Variants in ARHGAP6 observed in about 807,000 individuals in gnomAD.
ARHGAP6 encodes the protein rho GTPase-activating protein 6.
Under a neutral mutation model 55.7 loss-of-function variants are expected in ARHGAP6, and 16 were observed. The ratio of observed to expected loss-of-function variants is 0.29; its 90% CI spans 0.19 to 0.44. The LOEUF is 0.44. Among genes scored for constraint, ARHGAP6 ranks in the 20% least tolerant of loss-of-function variants. The pLI is 1.00. For missense variants in ARHGAP6, 698 were observed against 808.9 expected, an observed-to-expected ratio of 0.86 and a Z score of 1.66; for synonymous variants, 382 against 360.9, an observed-to-expected ratio of 1.06 and a Z score of -0.66.
At chrX:11,245,148 C>T (rs984406994) in intron 2 of ARHGAP6, among the ~76,000 whole-genome samples, 2 of 112,117 alleles carry the variant, frequency 1.8e-5, no homozygotes, top group Non-Finnish European at 3.8e-5. Flanking sequence ...CCAAAGTCAA[C>T]TTGGACAGAT....
chrX:11,649,055 C>G (rs1001962141), intron 1 of ARHGAP6, among the ~76,000 whole-genome samples: 2 of 112,172 alleles, frequency 1.8e-5, no homozygotes, highest in Non-Finnish European at 3.8e-5. Context: ...TAAAGAAGAC[C>G]ACAAATTCTT....
intron 1 of ARHGAP6, 146 bp downstream of exon 1, chrX:11,664,095 T>C: frequency 1.7e-6 from 1 of 572,221 alleles, no homozygotes; most frequent in Middle Eastern, 5.1e-4. Context: ...CAGGCACCAT[T>C]TAGCAAGTAG....
At chrX:11,536,361 G>A (rs2051104159) in intron 1 of ARHGAP6, among the ~76,000 whole-genome samples, 1 of 112,159 alleles carries the variant, frequency 8.9e-6, no homozygotes, top group South Asian at 3.7e-4. Flanking sequence ...CTTGTCCGTT[G>A]GGTGGGATAA....
chrX:11,179,657 A>G (rs1262692785), intron 6 of ARHGAP6, among the ~76,000 whole-genome samples: 1 of 106,840 alleles, frequency 9.4e-6, no homozygotes, highest in Non-Finnish European at 1.9e-5. Context: ...GTATACATAT[A>G]TATGTATATA....
chrX:11,572,950 C>T (rs1366543780), intron 1 of ARHGAP6, among the ~76,000 whole-genome samples: 1 of 112,331 alleles, frequency 8.9e-6, no homozygotes, highest in African/African-American at 3.2e-5. Context: ...TGATGATACG[C>T]ATTTTTTCAT....
chrX:11,481,202 T>C (rs2050453223), intron 1 of ARHGAP6, among the ~76,000 whole-genome samples: 1 of 111,472 alleles, frequency 9.0e-6, no homozygotes, highest in Admixed American at 9.5e-5. Flanking sequence ...TAGGGGCTAC[T>C]GTGGAATGCT....
intron 1 of ARHGAP6, among the ~76,000 whole-genome samples, chrX:11,364,884 G>T (rs778934365): frequency 3.6e-5 from 4 of 110,641 alleles, no homozygotes; most frequent in Non-Finnish European, 5.7e-5. Flanking sequence ...GTCCGGCACT[G>T]CTGCTAGGAG....
rs543163653 is a variant in ARHGAP6 at position 11,277,710 on chromosome X, TAA to T, written c.589-23005_589-23004del. On this transcript the variant is annotated intron_variant, in intron 1 of 12. Transcript: ENST00000337414. The stretch of plus-strand genomic sequence containing the variant: ...AGGTTTCTAGTATTCTTTTTTTTTT[TAA>T]AAAAAAATTAGCCCTGTAATGGCTA... Among the ~76,000 whole-genome samples the T allele has an allele frequency of 4.3e-3, 460 of 107,841 alleles. 1 individual carries two copies. The highest frequency in any genetic ancestry group is 9.4e-3 in the African/African-American group (280 of 29,842). 93.6% of individuals were successfully genotyped at this position (107,841 alleles called of 115,157 possible).
At chrX:11,493,251 T>C (rs1156324785) in intron 1 of ARHGAP6, among the ~76,000 whole-genome samples, 2 of 112,154 alleles carry the variant, frequency 1.8e-5, no homozygotes, top group African/African-American at 6.5e-5. Flanking sequence ...AACAAACTGT[T>C]ACAAGTGGTT....
At chrX:11,388,316 A>AT (rs2147733882) in intron 1 of ARHGAP6, among the ~76,000 whole-genome samples, 1 of 111,659 alleles carries the variant, frequency 9.0e-6, no homozygotes, top group Admixed American at 9.5e-5. Context: ...GATGATGAGC[A>AT]TTTTTTCATG....
chrX:11,588,036 A>G (rs1374137648), intron 1 of ARHGAP6, among the ~76,000 whole-genome samples: 1 of 112,097 alleles, frequency 8.9e-6, no homozygotes, highest in Non-Finnish European at 1.9e-5. Context: ...TGTTAAAAAG[A>G]GAAATATGCT....
intron 1 of ARHGAP6, among the ~76,000 whole-genome samples, chrX:11,489,100 A>G (rs1410857276): frequency 8.9e-6 from 1 of 112,345 alleles, no homozygotes; most frequent in Non-Finnish European, 1.9e-5. Flanking sequence ...AACTGGGTAA[A>G]GTATTTGAGC....
intron 1 of ARHGAP6, among the ~76,000 whole-genome samples, chrX:11,297,333 G>A (rs1213134848): frequency 8.9e-6 from 1 of 111,798 alleles, no homozygotes; most frequent in Non-Finnish European, 1.9e-5. Context: ...CGGGTTTGAG[G>A]TTCTCCTCAA....
Position 11,188,898 on chromosome X carries a change from C to G in ARHGAP6, c.907G>C (p.Asp303His), listed in dbSNP as rs1362203481. 9 of 1,209,508 alleles carry G rather than the reference C, an allele frequency of 7.4e-6. No homozygotes were observed. In the Middle Eastern group the frequency reaches 1.6e-3, roughly 216 times the overall value. ...AYKLKQDLQR[D>H]EQKDASDFVA... ...AAGTCAGATGCATCTTTCTGCTCGT[C>G]CCTCTGCAAGTCCTGCTTGAGTTTA... The change falls in exon 4 of 13, where the codon GAC becomes CAC. Residue 303 changes from aspartate (D) to histidine (H), a missense_variant. Physicochemically the swap from Asp to His is moderately conservative, Grantham distance 81. Coordinates refer to ENST00000337414, the MANE Select transcript of ARHGAP6 (RefSeq NM_013427.3).
chrX:11,574,904 A>G lies in ARHGAP6; in HGVS notation c.588+89337T>C, dbSNP rs147276140. Among the ~76,000 whole-genome samples, 625 of 111,932 alleles carry G rather than the reference A, an allele frequency of 5.6e-3. 2 individuals carry two copies. Among genetic ancestry groups the G allele is most frequent in the African/African-American group, 0.019 (596 of 30,784 alleles). ...CTCAGGGTAATGAGGTTTCTTTGAA[A>G]AAATCAATCCCTCTCATCTGTACCA... On this transcript the variant is annotated intron_variant, in intron 1 of 12. Coordinates refer to ENST00000337414, the MANE Select transcript of ARHGAP6 (RefSeq NM_013427.3).
At chrX:11,660,647 G>A (rs1462571169) in intron 1 of ARHGAP6, among the ~76,000 whole-genome samples, 18 of 104,466 alleles carry the variant, frequency 1.7e-4, no homozygotes, top group African/African-American at 5.6e-4. Flanking sequence ...GTGGTTGTAC[G>A]TGTATCAAAC....
intron 1 of ARHGAP6, among the ~76,000 whole-genome samples, chrX:11,623,413 A>C (rs2052253029): frequency 9.0e-6 from 1 of 111,474 alleles, no homozygotes; most frequent in Non-Finnish European, 1.9e-5. Context: ...CACTGATTTT[A>C]AAAAACTGAA....
chrX:11,618,565 A>AT (rs2052193713), intron 1 of ARHGAP6, among the ~76,000 whole-genome samples: 1 of 112,294 alleles, frequency 8.9e-6, no homozygotes, highest in South Asian at 3.7e-4. Context: ...CCAGTGAATC[A>AT]TTGTAGATTG....
intron 1 of ARHGAP6, among the ~76,000 whole-genome samples, chrX:11,583,489 A>G (rs2051688624): frequency 8.9e-6 from 1 of 112,580 alleles, no homozygotes; most frequent in Admixed American, 9.4e-5. Flanking sequence ...CCTATTGCTC[A>G]TGTCAGCATG....
Sources: gnomAD v4.1 joint callset for allele counts (sites outside exome capture counted in the v4.1 genomes callset) on GRCh38, gnomAD v4.1.1 for gene constraint, MANE v1.5 for transcripts, NCBI Gene and HGNC (gene_info 2026-07-23, HGNC 2026-07-21) for gene names.